ATP6V1C1: variants seen among roughly 807,000 people sequenced by gnomAD.
The protein encoded by ATP6V1C1 is V-type proton ATPase subunit C 1.
Under a neutral mutation model 53.9 loss-of-function variants are expected in ATP6V1C1, and 45 were observed. The observed-to-expected ratio is 0.83, with a 90% CI of 0.66 to 1.07. The LOEUF is 1.07. Among genes scored for constraint, ATP6V1C1 ranks in the 50% least tolerant of loss-of-function variants. The probability of loss-of-function intolerance (pLI) is 0.00; values close to 1 mark genes in which losing one functional copy is unlikely to be tolerated. For synonymous variants in ATP6V1C1, 153 were observed against 155.2 expected (o/e 0.99, Z 0.11); for missense variants, 315 against 440.3 (o/e 0.72, Z 2.55).
At chr8:103,046,622 A>G (rs1180160114) in intron 3 of ATP6V1C1, among the ~76,000 whole-genome samples, 1 of 152,148 alleles carries the variant, frequency 6.6e-6, no homozygotes, top group South Asian at 2.1e-4. Context: ...TCTTTTCTTC[A>G]TTGTTCGGCA....
chr8:103,044,270 G>C (rs987051434), intron 3 of ATP6V1C1, among the ~76,000 whole-genome samples: 2 of 152,196 alleles, frequency 1.3e-5, no homozygotes, highest in Non-Finnish European at 2.9e-5. Context: ...TTTGTTGCTT[G>C]TGTTTTTGGC....
chr8:103,055,636 C>T (rs895943026), intron 7 of ATP6V1C1, among the ~76,000 whole-genome samples: 3 of 152,074 alleles, frequency 2.0e-5, no homozygotes, highest in Non-Finnish European at 4.4e-5. Flanking sequence ...CTAGGATGTG[C>T]CTCTTTTGCA....
intron 1 of ATP6V1C1, among the ~76,000 whole-genome samples, chr8:103,027,621 T>C (rs1402763638): frequency 6.6e-6 from 1 of 151,618 alleles, no homozygotes; most frequent in African/African-American, 2.4e-5. Flanking sequence ...AAATTAACAG[T>C]CCCATAGCTT....
chr8:103,034,473 G>A lies in ATP6V1C1; in HGVS notation c.-39-6325G>A, dbSNP rs376157309. On this transcript the variant is annotated intron_variant, in intron 1 of 12. Transcript: ENST00000518738. ...AAAGGGAAATATGTTTAGCAATATG[G>A]ATTCCATTTTCCGATGAATAAAGAC... Among the ~76,000 whole-genome samples the A allele has an allele frequency of 2.0e-4, 31 of 152,184 alleles. 1 individual carries two copies. The South Asian group carries it at 6.4e-3, about 32-fold the overall frequency.
rs1170964627 is a variant in ATP6V1C1, at chr8:103,069,404, C to T, written c.*657C>T. ...GCTGAGGTGTAACCATTTGTGTTGT[C>T]TGACTTTCGTATGATTTAATTGAGC... On this transcript the variant is annotated 3_prime_UTR_variant, in exon 13 of 13. Transcript: ENST00000518738. 2 of 152,256 alleles carry T rather than the reference C, an allele frequency of 1.3e-5. No individual in the cohort carries two copies. Among genetic ancestry groups the T allele is most frequent in the East Asian group, 3.9e-4 (2 of 5,184 alleles). 9.4% of individuals were successfully genotyped at this position (152,256 alleles called of 1,614,324 possible).
rs1240830689 is a variant in ATP6V1C1 at position 103,042,339 on chromosome 8, G to T, written c.133-1G>T. The T allele has an allele frequency of 1.2e-6, 2 of 1,612,982 alleles. No individual in the cohort carries two copies. Among genetic ancestry groups the T allele is most frequent in the Non-Finnish European group, 1.7e-6 (2 of 1,179,682 alleles). ...TAAATAACAATATATTTTCCTTTTA[G>T]GTTGGCACGTTGGATGTCTTGGTTG... On this transcript the variant is annotated splice_acceptor_variant, in intron 2 of 12. Transcript: ENST00000518738. LOFTEE classifies it high-confidence loss of function.
chr8:103,033,166 C>T (rs1477613927), intron 1 of ATP6V1C1, among the ~76,000 whole-genome samples: 1 of 152,166 alleles, frequency 6.6e-6, no homozygotes, highest in African/African-American at 2.4e-5. Context: ...CCAACATTTG[C>T]CCAGGGCTGG....
intron 1 of ATP6V1C1, among the ~76,000 whole-genome samples, chr8:103,039,057 CTTTT>C (rs1418508337): frequency 1.3e-5 from 2 of 152,106 alleles, no homozygotes; most frequent in Non-Finnish European, 2.9e-5. Context: ...AGTACAGTTT[CTTTT>C]TTAAAATTTT....
chr8:103,031,219 A>G (rs1816791406), intron 1 of ATP6V1C1, among the ~76,000 whole-genome samples: 1 of 152,248 alleles, frequency 6.6e-6, no homozygotes, highest in African/African-American at 2.4e-5. Flanking sequence ...AAGAAGTGAA[A>G]TATTCACTGG....
At chr8:103,045,875 A>C (rs889930027) in intron 3 of ATP6V1C1, among the ~76,000 whole-genome samples, 4 of 152,004 alleles carry the variant, frequency 2.6e-5, no homozygotes, top group Non-Finnish European at 5.9e-5. Flanking sequence ...CGGGAGGCGG[A>C]GCTTGCAGTG....
At chr8:103,044,109 G>A (rs1352449716) in intron 3 of ATP6V1C1, among the ~76,000 whole-genome samples, 1 of 151,786 alleles carries the variant, frequency 6.6e-6, no homozygotes, top group Admixed American at 6.6e-5. Context: ...GGCTGGTCTC[G>A]AACTCCTGAC....
intron 12 of ATP6V1C1, among the ~76,000 whole-genome samples, chr8:103,068,127 G>A (rs1196950577): frequency 2.6e-5 from 4 of 152,110 alleles, no homozygotes; most frequent in Admixed American, 1.3e-4. Flanking sequence ...CTATAGGCAC[G>A]CAGTACCACT....
chr8:103,023,392 A>C (rs1816633601), intron 1 of ATP6V1C1, among the ~76,000 whole-genome samples: 1 of 151,882 alleles, frequency 6.6e-6, no homozygotes, highest in Non-Finnish European at 1.5e-5. Flanking sequence ...ATTTGAAGAC[A>C]AGATACCTTC....
At chr8:103,038,055 T>C (rs1456687558) in intron 1 of ATP6V1C1, among the ~76,000 whole-genome samples, 1 of 152,202 alleles carries the variant, frequency 6.6e-6, no homozygotes, top group Non-Finnish European at 1.5e-5. Flanking sequence ...CACAACAAAC[T>C]ACCCCAAACT....
rs1488618984 is a variant in ATP6V1C1, at chr8:103,021,176, T to G, written c.-89T>G. ...AGCCGATAGCGTCCGCTAGGCTGTC[T>G]GCCTCGGTACCTGTTACTGCTGCTA... On this transcript the variant is annotated 5_prime_UTR_variant, in exon 1 of 13. Transcript: ENST00000518738. 1.3e-5 allele frequency: 2 copies of G among 152,964 alleles called. No individual in the cohort carries two copies. The highest frequency in any genetic ancestry group is 4.8e-5 in the African/African-American group (2 of 41,480). The allele number at this position is 152,964 out of a possible 1,614,324, so 9.5% of individuals were successfully genotyped here.
At chr8:103,022,573 AAG>A (rs1185093772) in intron 1 of ATP6V1C1, among the ~76,000 whole-genome samples, 2 of 152,148 alleles carry the variant, frequency 1.3e-5, no homozygotes, top group Non-Finnish European at 2.9e-5. Context: ...AGTGGTATGA[AAG>A]AGTGTAGTAG....
In ATP6V1C1 at chr8:103,072,567, G is replaced by A. The variant is rs549722163; in HGVS notation, c.*3820G>A. The A allele has an allele frequency of 3.3e-5, 5 of 152,316 alleles. No homozygotes were observed. The highest frequency in any genetic ancestry group is 7.4e-5 in the Non-Finnish European group (5 of 68,020). The allele number at this position is 152,316 out of a possible 1,614,324, so 9.4% of individuals were successfully genotyped here. On this transcript the variant is annotated 3_prime_UTR_variant, in exon 13 of 13. Coordinates refer to ENST00000518738, the MANE Select transcript of ATP6V1C1 (RefSeq NM_001695.5). ...CTAGTTTAGTACTTGTCTCTAAATTGATGTTCACCCATTTCAATATTGCAC... is the reference window on the plus strand; with the variant it reads ...CTAGTTTAGTACTTGTCTCTAAATTAATGTTCACCCATTTCAATATTGCAC...
intron 6 of ATP6V1C1, 38 bp downstream of exon 6, chr8:103,052,860 G>T: frequency 7.6e-7 from 1 of 1,319,178 alleles, no homozygotes; most frequent in Admixed American, 2.0e-5. Flanking sequence ...TAAGAACTGG[G>T]GAAGCATACT....
Position 103,068,741 on chromosome 8 carries a change from C to A in ATP6V1C1, c.1143C>A (p.Phe381Leu). ...AGATTGATTGCAACTTGCTGGAATT[C>A]AAGTGAAAATGGGCTCCTCCCCCGA... ...YYKIDCNLLE[F>L]K is the part of the protein sequence containing the mutation. Residue 381 changes from phenylalanine to leucine, a missense_variant, in exon 13 of 13, where the codon TTC becomes TTA. Coordinates refer to ENST00000518738, the MANE Select transcript of ATP6V1C1 (RefSeq NM_001695.5). 1 of 1,608,768 alleles carries A rather than the reference C, an allele frequency of 6.2e-7. No homozygotes were observed. The highest frequency in any genetic ancestry group is 8.5e-7 in the Non-Finnish European group (1 of 1,177,580).
Sources: allele counts gnomAD v4.1 joint callset (sites outside exome capture counted in the v4.1 genomes callset), GRCh38; gene constraint gnomAD v4.1.1; transcripts MANE v1.5; gene names NCBI Gene and HGNC (gene_info 2026-07-23, HGNC 2026-07-21).